The following SFXN1 variants were observed in gnomAD, a reference collection of about 807,000 sequenced individuals.
SFXN1 encodes sideroflexin-1.
A neutral mutation model predicts 39.5 loss-of-function variants in SFXN1; 32 were observed. The observed-to-expected ratio is 0.81, with a 90% CI of 0.61 to 1.09. SFXN1 has a LOEUF of 1.09. Among genes scored for constraint, SFXN1 ranks in the 50% least tolerant of loss-of-function variants. SFXN1 has a pLI of 0.00. For missense variants in SFXN1, 402 were observed against 407.1 expected (o/e 0.99, Z 0.11); for synonymous variants, 136 against 146.5 (o/e 0.93, Z 0.52).
chr5:175,520,194 A>AAT (rs1377420414), intron 8 of SFXN1, among the ~76,000 whole-genome samples: 5 of 151,668 alleles, frequency 3.3e-5, no homozygotes, highest in South Asian at 4.2e-4. Flanking sequence ...TACTTCATTG[A>AAT]ATATATATAT....
rs937711831 is a variant in SFXN1 at position 175,526,827 on chromosome 5, A to T, written c.*93A>T. 2.9e-6 allele frequency: 3 copies of T among 1,018,420 alleles called. No homozygotes were observed. Among genetic ancestry groups the T allele is most frequent in the Admixed American group, 3.7e-5 (2 of 53,534 alleles). The allele number at this position is 1,018,420 out of a possible 1,614,324, so 63.1% of individuals were successfully genotyped here. A position where few individuals can be genotyped will look rare whatever the true frequency, so the allele number is the denominator to read the frequency against. On this transcript the variant is annotated 3_prime_UTR_variant, in exon 11 of 11. Coordinates refer to ENST00000321442, the MANE Select transcript of SFXN1 (RefSeq NM_022754.7). ...AATCCTGTTCAACCTGGGTTCTCCC[A>T]GTTACGGAAACCTTTTAAAGATCCA...
At chr5:175,498,806 A>G (rs1462230709) in intron 2 of SFXN1, among the ~76,000 whole-genome samples, 1 of 152,210 alleles carries the variant, frequency 6.6e-6, no homozygotes. Flanking sequence ...GACTCAATCC[A>G]AAAGAAGGCA....
intron 4 of SFXN1, 139 bp downstream of exon 4, chr5:175,510,346 GC>G (rs1278608509): frequency 3.0e-6 from 2 of 675,712 alleles, no homozygotes. Context: ...CTTTTTTGTA[GC>G]TTTTTTCTTT....
chr5:175,502,799 C>A (rs1165122634), intron 2 of SFXN1, among the ~76,000 whole-genome samples: 1 of 152,056 alleles, frequency 6.6e-6, no homozygotes, highest in Non-Finnish European at 1.5e-5. Flanking sequence ...CAAGATCACG[C>A]CATTGCACTC....
In SFXN1 at chr5:175,527,946, G is replaced by A. The variant is rs988902743; in HGVS notation, c.*1212G>A. The A allele has an allele frequency of 9.4e-5, 13 of 138,990 alleles. No individual in the cohort carries two copies. The highest frequency in any genetic ancestry group is 3.0e-4 in the Admixed American group (4 of 13,470). 8.6% of individuals were successfully genotyped at this position (138,990 alleles called of 1,614,324 possible). A position where few individuals can be genotyped will look rare whatever the true frequency, so the allele number is the denominator to read the frequency against. The stretch of plus-strand genomic sequence containing the variant: ...TTTTTTTTTTTTTTTTTGAGACGGA[G>A]TCTCGCTCTGTCACCCAGGCTGGAG... On this transcript the variant is annotated 3_prime_UTR_variant, in exon 11 of 11. Coordinates refer to ENST00000321442, the MANE Select transcript of SFXN1 (RefSeq NM_022754.7).
intron 1 of SFXN1, among the ~76,000 whole-genome samples, chr5:175,490,029 C>G (rs1399716606): frequency 8.5e-5 from 13 of 152,192 alleles, no homozygotes; most frequent in Admixed American, 8.5e-4. Context: ...TACCACATCC[C>G]TGTTTCCTTG....
At chr5:175,523,743 C>CT (rs1290942796) in intron 10 of SFXN1, 1 of 152,038 alleles carries the variant, frequency 6.6e-6, no homozygotes, top group Non-Finnish European at 1.5e-5. Flanking sequence ...TACTAGTGTC[C>CT]TTAGGTCAAG....
intron 1 of SFXN1, among the ~76,000 whole-genome samples, chr5:175,490,858 A>T (rs998734781): frequency 3.2e-4 from 49 of 150,922 alleles, no homozygotes; most frequent in African/African-American, 1.2e-3. Flanking sequence ...GTGCAAAAAA[A>T]ACAAGATCTT....
rs186584564 is a variant in SFXN1, at chr5:175,503,904, T to C, written c.165-5128T>C. Among the ~76,000 whole-genome samples the C allele has an allele frequency of 6.7e-4, 100 of 148,264 alleles. No individual in the cohort carries two copies. The East Asian group carries it at 0.016, about 24-fold the overall frequency. On this transcript the variant is annotated intron_variant, in intron 2 of 10. Coordinates refer to ENST00000321442, the MANE Select transcript of SFXN1 (RefSeq NM_022754.7). ...CTGTAATCCCAGCTACTCGGGAGGCTGAGGCAGGAGAATTGCTTGAACCTG... is the reference window on the plus strand; with the variant it reads ...CTGTAATCCCAGCTACTCGGGAGGCCGAGGCAGGAGAATTGCTTGAACCTG...
intron 8 of SFXN1, among the ~76,000 whole-genome samples, chr5:175,521,121 C>A (rs1056268827): frequency 6.6e-5 from 10 of 152,098 alleles, no homozygotes; most frequent in Admixed American, 6.5e-4. Flanking sequence ...GCAGTGATTT[C>A]TGTGGCCTTA....
intron 6 of SFXN1, 130 bp downstream of exon 6, chr5:175,512,326 T>C: frequency 1.2e-6 from 1 of 820,948 alleles, no homozygotes; most frequent in Non-Finnish European, 1.9e-6. Context: ...GATCTTGGAT[T>C]TCTTTTGAAA....
At chr5:175,510,494 C>T (rs1332592615) in intron 4 of SFXN1, among the ~76,000 whole-genome samples, 2 of 152,098 alleles carry the variant, frequency 1.3e-5, no homozygotes, top group Non-Finnish European at 2.9e-5. Context: ...GCTCATGGCC[C>T]TGTAGAACAC....
In SFXN1 at chr5:175,511,503, C is replaced by G. The variant is rs779694044; in HGVS notation, c.487C>G (p.Leu163Val). ...SATTGAVATA[L>V]GLNALTKHVS... ...AACAACTGGTGCCGTAGCAACAGCTCTAGGACTCAATGCATTGACCAAGGT... is the reference window on the plus strand; with the variant it reads ...AACAACTGGTGCCGTAGCAACAGCTGTAGGACTCAATGCATTGACCAAGGT... The change falls in exon 5 of 11, where the codon CTA becomes GTA. Residue 163 changes from leucine to valine, a missense_variant. Physicochemically the swap from Leu to Val is conservative, Grantham distance 32 (BLOSUM62 1). Transcript: ENST00000321442. The G allele has an allele frequency of 3.1e-6, 5 of 1,614,084 alleles. No individual in the cohort carries two copies. In the South Asian group the frequency reaches 3.3e-5, roughly 11 times the overall value.
In SFXN1 at chr5:175,510,215, T is replaced by C. The variant is rs1432120252; in HGVS notation, c.434+8T>C. Reference sequence around the variant, plus strand: ...CGCACCCCTCACTGTCAAGTAAGGCTACGAGAATTGACCACTCTCTGCAGT... The same window carrying C: ...CGCACCCCTCACTGTCAAGTAAGGCCACGAGAATTGACCACTCTCTGCAGT... On this transcript the variant is annotated splice_region_variant and intron_variant, in intron 4 of 10. Transcript: ENST00000321442. The C allele has an allele frequency of 1.2e-6, 2 of 1,602,196 alleles. No individual in the cohort carries two copies. The highest frequency in any genetic ancestry group is 2.2e-5 in the South Asian group (2 of 89,518).
intron 6 of SFXN1, 87 bp from the exon 7 acceptor site, chr5:175,513,376 G>C (rs1760596158): frequency 4.2e-6 from 6 of 1,414,042 alleles, no homozygotes; most frequent in Non-Finnish European, 5.8e-6. Context: ...GAATTAAGTA[G>C]AGGGTTGATC....
chr5:175,521,275 A>C (rs529948874), intron 8 of SFXN1, among the ~76,000 whole-genome samples: 1 of 149,206 alleles, frequency 6.7e-6, no homozygotes, highest in South Asian at 2.1e-4. Flanking sequence ...AAGTGTGACT[A>C]GCAAAAATGT....
chr5:175,523,365 T>C (rs1259985154), intron 10 of SFXN1: 1 of 152,194 alleles, frequency 6.6e-6, no homozygotes, highest in Admixed American at 6.5e-5. Flanking sequence ...TCCTCATCTC[T>C]ACAGTGGGAT....
chr5:175,514,473 T>C (rs1760648841), intron 7 of SFXN1, among the ~76,000 whole-genome samples: 3 of 152,172 alleles, frequency 2.0e-5, no homozygotes, highest in Admixed American at 1.3e-4. Context: ...TCAGAGGGCC[T>C]GGCAGTTAGA....
chr5:175,495,456 T>C (rs1227374093), intron 2 of SFXN1, among the ~76,000 whole-genome samples: 1 of 152,060 alleles, frequency 6.6e-6, no homozygotes, highest in African/African-American at 2.4e-5. Context: ...TGGCTGGGGG[T>C]GGTGGCACAT....
Sources: gnomAD v4.1 joint callset for allele counts (sites outside exome capture counted in the v4.1 genomes callset) on GRCh38, gnomAD v4.1.1 for gene constraint, MANE v1.5 for transcripts, NCBI Gene and HGNC (gene_info 2026-07-23, HGNC 2026-07-21) for gene names.